The following PCDHGB5 variants were observed in gnomAD, a reference collection of about 807,000 sequenced individuals.
The protein encoded by PCDHGB5 is protocadherin gamma subfamily B, 5.
PCDHGB5 carries 48 observed loss-of-function variants against 62.9 expected under a neutral mutation model. That is an observed-to-expected ratio of 0.76 (90% CI 0.61 to 0.97). The LOEUF (loss-of-function observed/expected upper bound fraction) is 0.97, where lower values mean the gene tolerates loss of function less well. Ranked by LOEUF, PCDHGB5 falls within the 50% of genes least tolerant of loss-of-function variation. The pLI is 0.00. For synonymous variants in PCDHGB5, 474 were observed against 511.2 expected (o/e 0.93, Z 0.98); for missense variants, 1,118 against 1,198.6 (o/e 0.93, Z 0.99).
rs1259021130 is a variant in PCDHGB5 at position 141,485,083 on chromosome 5, G to C, written c.2398-9724G>C. ...GCGCCAGAGCTGGCGCGGGGAAAGG[G>C]AGATAGGTGTCTCCAGCTGCTGTGG... On this transcript the variant is annotated intron_variant, in intron 1 of 3. Coordinates refer to ENST00000617380, the MANE Select transcript of PCDHGB5 (RefSeq NM_018925.3). The surrounding 1 kb of genome is among the most constrained non-coding windows in gnomAD (Gnocchi z 5.7). The C allele has an allele frequency of 1.0e-6, 1 of 989,386 alleles. No homozygotes were observed. The highest frequency in any genetic ancestry group is 1.6e-5 in the African/African-American group (1 of 61,992). 61.3% of individuals were successfully genotyped at this position (989,386 alleles called of 1,614,324 possible).
Position 141,409,737 on chromosome 5 carries a change from G to C in PCDHGB5, c.2397+9213G>C, listed in dbSNP as rs199531162. The C allele has an allele frequency of 1.4e-3, 2,254 of 1,613,108 alleles. 2 individuals carry two copies. Among genetic ancestry groups the C allele is most frequent in the Non-Finnish European group, 1.8e-3 (2,079 of 1,179,866 alleles). On this transcript the variant is annotated intron_variant, in intron 1 of 3. Coordinates refer to ENST00000617380, the MANE Select transcript of PCDHGB5 (RefSeq NM_018925.3). ...TACGTGTCAGTGAGCGCGCAGAGCGGGGTGGTGTTCGCGCAGCGCGCCTTT... is the reference window on the plus strand; with the variant it reads ...TACGTGTCAGTGAGCGCGCAGAGCGCGGTGGTGTTCGCGCAGCGCGCCTTT...
Position 141,485,392 on chromosome 5 carries a change from A to G in PCDHGB5, c.2398-9415A>G. ...AGGTCGCTGGAGAGGTGAACCAAAG[A>G]CACTTCCGTGTGGATTTGGACAGCG... On this transcript the variant is annotated intron_variant, in intron 1 of 3. Coordinates refer to ENST00000617380, the MANE Select transcript of PCDHGB5 (RefSeq NM_018925.3). This position sits in a 1 kb window ranked among gnomAD's most constrained non-coding sequence, Gnocchi z 5.7. 1 of 1,613,918 alleles carries G rather than the reference A, an allele frequency of 6.2e-7. No homozygotes were observed. The highest frequency in any genetic ancestry group is 8.5e-7 in the Non-Finnish European group (1 of 1,179,938).
chr5:141,490,945 C>T lies in PCDHGB5; in HGVS notation c.2398-3862C>T, dbSNP rs2099706308. On this transcript the variant is annotated intron_variant, in intron 1 of 3. Transcript: ENST00000617380. This position sits in a 1 kb window ranked among gnomAD's most constrained non-coding sequence, Gnocchi z 5.4. ...TGCCCCAGCTGTGCTGCACCCACGG[C>T]CAGACTGGGAACACTCAGCCCCCCA... The T allele has an allele frequency of 6.2e-7, 1 of 1,613,434 alleles. No homozygotes were observed. Among genetic ancestry groups the T allele is most frequent in the South Asian group, 1.1e-5 (1 of 91,010 alleles).
intron 1 of PCDHGB5, chr5:141,418,096 G>A (rs772001018): frequency 6.2e-7 from 1 of 1,614,078 alleles, no homozygotes; most frequent in East Asian, 2.2e-5. Context: ...GCGTAGACGC[G>A]CAGAGCGGGG....
At chr5:141,454,850 C>T (rs1208208678) in intron 1 of PCDHGB5, among the ~76,000 whole-genome samples, 3 of 132,848 alleles carry the variant, frequency 2.3e-5, no homozygotes, top group Non-Finnish European at 4.6e-5. Flanking sequence ...CTCTGTCACC[C>T]AGGCTGGAGT....
In PCDHGB5 at chr5:141,400,064, G is replaced by A; in HGVS notation, c.1937G>A (p.Gly646Glu). 1 of 1,613,770 alleles carries A rather than the reference G, an allele frequency of 6.2e-7. No homozygotes were observed. The highest frequency in any genetic ancestry group is 8.5e-7 in the Non-Finnish European group (1 of 1,179,858). Residue 646 changes from glycine (G) to glutamate (E), a missense_variant, in exon 1 of 4, where the codon GGA becomes GAA. This residue lies in a region of PCDHGB5 where 1,034 missense variants were observed against 1,029.1 expected (regional missense o/e 1.00). Transcript: ENST00000617380. ...CTGCTGGTTGCTGTGCGTGATGGTG[G>A]ACAGCCGCCACTCTCCGCCACCGCC... The part of the protein sequence containing the change: ...QRLLVAVRDG[G>E]QPPLSATATL...
intron 1 of PCDHGB5, chr5:141,403,903 G>T: frequency 1.2e-6 from 2 of 1,613,804 alleles, no homozygotes; most frequent in Non-Finnish European, 1.7e-6. Context: ...TTTATGAAAT[G>T]GAAATACAAG....
At chr5:141,427,249 G>A (rs1417336994) in intron 1 of PCDHGB5, 1 of 456,742 alleles carries the variant, frequency 2.2e-6, no homozygotes, top group African/African-American at 2.0e-5. Context: ...GCTAAGGATG[G>A]TGGAGGCATG....
Position 141,398,701 on chromosome 5 carries a change from C to T in PCDHGB5, c.574C>T (p.Pro192Ser), listed in dbSNP as rs757215015. Residue 192 changes from proline (P) to serine (S), a missense_variant, in exon 1 of 4, where the codon CCG (proline) becomes TCG (serine). Transcript: ENST00000617380. Reference sequence around the variant, plus strand: ...GGAGAAACAGGATGGTAGTAAATACCCGGAACTGGCACTGGAGAAAACCTT... The same window carrying T: ...GGAGAAACAGGATGGTAGTAAATACTCGGAACTGGCACTGGAGAAAACCTT... Reference protein sequence around the residue: ...IKEKQDGSKYPELALEKTLDR... With the variant: ...IKEKQDGSKYSELALEKTLDR... The T allele has an allele frequency of 1.2e-5, 20 of 1,613,658 alleles. No homozygotes were observed. In the Admixed American group the frequency reaches 3.3e-4, roughly 27 times the overall value.
At chr5:141,423,694 T>A in intron 1 of PCDHGB5, 1 of 1,501,554 alleles carries the variant, frequency 6.7e-7, no homozygotes, top group Non-Finnish European at 8.9e-7. Context: ...TAATTGTTGG[T>A]GTCTTGGCAC....
chr5:141,423,744 A>T, intron 1 of PCDHGB5: 4 of 429,458 alleles, frequency 9.3e-6, no homozygotes, highest in Non-Finnish European at 8.7e-6. Context: ...TGTTATGAAA[A>T]CTGTTTGGGG....
intron 1 of PCDHGB5, chr5:141,423,426 G>A: frequency 6.2e-7 from 1 of 1,614,028 alleles, no homozygotes; most frequent in Non-Finnish European, 8.5e-7. Context: ...AAGGCGGGTT[G>A]GCAGGTATGC....
Position 141,486,998 on chromosome 5 carries a change from C to G in PCDHGB5, c.2398-7809C>G, listed in dbSNP as rs754609128. On this transcript the variant is annotated intron_variant, in intron 1 of 3. Coordinates refer to ENST00000617380, the MANE Select transcript of PCDHGB5 (RefSeq NM_018925.3). The surrounding 1 kb of genome is among the most constrained non-coding windows in gnomAD (Gnocchi z 5.0). ...AGGTTACAATGCTTGGGTTTCCTAT[C>G]AGCTCCTGGAGGCCCCAGATCCCAG... The G allele has an allele frequency of 6.2e-7, 1 of 1,614,206 alleles. No homozygotes were observed. Among genetic ancestry groups the G allele is most frequent in the Non-Finnish European group, 8.5e-7 (1 of 1,180,034 alleles).
chr5:141,414,568 A>G (rs1349020199), intron 1 of PCDHGB5: 2 of 1,613,914 alleles, frequency 1.2e-6, no homozygotes, highest in South Asian at 1.1e-5. Context: ...CTTTACCTAT[A>G]TCCCAGAGAA....
rs2099641707 is a variant in PCDHGB5 at position 141,487,238 on chromosome 5, C to T, written c.2398-7569C>T. 1.2e-6 allele frequency: 2 copies of T among 1,614,056 alleles called. No individual in the cohort carries two copies. The highest frequency in any genetic ancestry group is 1.7e-6 in the Non-Finnish European group (2 of 1,180,022). On this transcript the variant is annotated intron_variant, in intron 1 of 3. Transcript: ENST00000617380. This position sits in a 1 kb window ranked among gnomAD's most constrained non-coding sequence, Gnocchi z 5.0. ...AGCTCCAAGGGAAGGAGAATCTCGT[C>T]TAACCCTCTACTTGGCTGTGTCCCT...
intron 1 of PCDHGB5, among the ~76,000 whole-genome samples, chr5:141,402,017 A>G (rs1052839882): frequency 2.0e-5 from 3 of 152,210 alleles, no homozygotes; most frequent in African/African-American, 7.2e-5. Flanking sequence ...ATGCATTTGA[A>G]TCATTGAAAC....
intron 1 of PCDHGB5, chr5:141,430,441 C>A (rs1168234012): frequency 5.2e-6 from 1 of 192,346 alleles, no homozygotes; most frequent in Non-Finnish European, 1.0e-5. Flanking sequence ...GATTTCCATC[C>A]CCTTTTGAAG....
At chr5:141,498,971 G>GGAAGGAA (rs2099787559) in intron 2 of PCDHGB5, among the ~76,000 whole-genome samples, 2 of 111,052 alleles carry the variant, frequency 1.8e-5, no homozygotes, top group African/African-American at 7.2e-5. Context: ...GAGGGAGGGA[G>GGAAGGAA]GGAAGGAAGG....
chr5:141,400,191 A>G lies in PCDHGB5; in HGVS notation c.2064A>G (p.Leu688=), dbSNP rs781032596. The G allele has an allele frequency of 1.2e-6, 2 of 1,613,970 alleles. No individual in the cohort carries two copies. The highest frequency in any genetic ancestry group is 1.7e-6 in the Non-Finnish European group (2 of 1,179,876). ...SDPQAELQFY[L]VVALALISVL... ...CCCAGGCTGAGCTGCAGTTTTACCT[A>G]GTGGTGGCCTTGGCCTTGATCTCAG... is the stretch of plus-strand genomic sequence containing the variant. Residue 688 remains leucine, a synonymous_variant, in exon 1 of 4, where the codon CTA becomes CTG. Transcript: ENST00000617380.
Sources: gnomAD v4.1 joint callset for allele counts (sites outside exome capture counted in the v4.1 genomes callset) on GRCh38, gnomAD v4.1.1 for gene constraint, gnomAD v4.1.1 regional missense constraint, Gnocchi (gnomAD v3.1) non-coding constraint, MANE v1.5 for transcripts, NCBI Gene and HGNC (gene_info 2026-07-23, HGNC 2026-07-21) for gene names.